HAL: variants seen among roughly 807,000 people sequenced by gnomAD.
HAL encodes the protein histidine ammonia-lyase.
HAL carries 85 observed loss-of-function variants against 81.1 expected under a neutral mutation model. The ratio of observed to expected loss-of-function variants is 1.05; its 90% CI spans 0.88 to 1.25. The LOEUF (loss-of-function observed/expected upper bound fraction) is 1.25. HAL is among the 50% of genes most tolerant of loss of function. The probability of loss-of-function intolerance (pLI) is 0.00; values close to 1 mark genes in which losing one functional copy is unlikely to be tolerated. For synonymous variants in HAL, 301 were observed against 309.2 expected (o/e 0.97, Z 0.28); for missense variants, 798 against 836.6 (o/e 0.95, Z 0.57).
At chr12:95,988,508 A>G (rs1164977929) in intron 10 of HAL, among the ~76,000 whole-genome samples, 2 of 152,180 alleles carry the variant, frequency 1.3e-5, no homozygotes, top group Non-Finnish European at 2.9e-5. Flanking sequence ...TTTGGTTTCT[A>G]CGTCCTTCGT....
chr12:95,980,971 G>A, intron 15 of HAL, 108 bp from the exon 16 acceptor site: 1 of 784,010 alleles, frequency 1.3e-6, no homozygotes, highest in Non-Finnish European at 2.3e-6. Context: ...GTACAAATGT[G>A]GGGTGGAGGG....
intron 2 of HAL, 25 bp from the exon 3 acceptor site, chr12:95,995,018 T>A: frequency 6.4e-7 from 1 of 1,553,208 alleles, no homozygotes; most frequent in Non-Finnish European, 8.9e-7. Context: ...GGGAGACTCG[T>A]TACAGATCAC....
Position 95,992,696 on chromosome 12 carries a change from G to T in HAL, c.699C>A (p.Val233=). The T allele has an allele frequency of 1.2e-6, 2 of 1,612,490 alleles. No individual in the cohort carries two copies. Among genetic ancestry groups the T allele is most frequent in the South Asian group, 2.2e-5 (2 of 90,988 alleles). The change falls in exon 9 of 21, where the codon GTC becomes GTA. Residue 233 remains valine, a synonymous_variant. Transcript: ENST00000261208. ...TTGCATTACCATTAAACATTTCTAT[G>T]ACTTGTTTGAGGGTCTCCAGGGAAA... is the stretch of plus-strand genomic sequence containing the variant. The part of the protein sequence containing the change: ...SGISLETLKQ[V]IEMFNASCLP...
In HAL at chr12:95,993,463, A is replaced by G. The variant is rs756603230; in HGVS notation, c.577T>C (p.Ser193Pro). The G allele has an allele frequency of 6.2e-7, 1 of 1,604,146 alleles. No individual in the cohort carries two copies. The highest frequency in any genetic ancestry group is 8.5e-7 in the Non-Finnish European group (1 of 1,170,848). Residue 193 changes from serine to proline, a missense_variant, in exon 8 of 21, where the codon TCA becomes CCA. By Grantham distance (74) the Ser-to-Pro change is moderately conservative (BLOSUM62 -1). Transcript: ENST00000261208. The part of the protein sequence containing the change: ...LQELQVNLVR[S>P]HSSGVGKPLS... Reference sequence around the variant, plus strand: ...CGTTTTGACTTACCTGAAGAATGTGAGCGTACTAAGTTGACCTGAAGCTCC... The same window carrying G: ...CGTTTTGACTTACCTGAAGAATGTGGGCGTACTAAGTTGACCTGAAGCTCC...
intron 14 of HAL, among the ~76,000 whole-genome samples, chr12:95,984,318 T>A (rs1949850197): frequency 6.6e-6 from 1 of 152,194 alleles, no homozygotes; most frequent in Non-Finnish European, 1.5e-5. Context: ...CTTGGGCAAG[T>A]TCCTTAGGTT....
At chr12:95,991,333 A>G (rs1949967939) in intron 9 of HAL, among the ~76,000 whole-genome samples, 4 of 152,202 alleles carry the variant, frequency 2.6e-5, no homozygotes, top group Admixed American at 2.6e-4. Flanking sequence ...AAATTAAAGG[A>G]CATTCATTTG....
intron 15 of HAL, among the ~76,000 whole-genome samples, chr12:95,981,741 T>C (rs2080797395): frequency 6.6e-6 from 1 of 152,232 alleles, no homozygotes; most frequent in Admixed American, 6.5e-5. Flanking sequence ...ATTACAGGTG[T>C]GAGCCACCAA....
chr12:95,979,979 T>C (rs1019891113), intron 17 of HAL, among the ~76,000 whole-genome samples: 1 of 152,256 alleles, frequency 6.6e-6, no homozygotes, highest in Non-Finnish European at 1.5e-5. Context: ...TGCCAGGCAC[T>C]GTTCTGATGT....
At chr12:95,988,722 T>C (rs1949928218) in intron 10 of HAL, among the ~76,000 whole-genome samples, 2 of 152,160 alleles carry the variant, frequency 1.3e-5, no homozygotes, top group African/African-American at 4.8e-5. Context: ...AGCAGGGTTT[T>C]TGTGGCACAT....
intron 18 of HAL, among the ~76,000 whole-genome samples, chr12:95,977,385 T>TAA (rs34975193): frequency 3.1e-4 from 45 of 147,396 alleles, no homozygotes; most frequent in Middle Eastern, 3.5e-3. Flanking sequence ...AAAGTCTCAT[T>TAA]AAAAAAAAAA....
chr12:95,985,895 T>C lies in HAL; in HGVS notation c.1206+13A>G. Reference sequence around the variant, plus strand: ...GCATTTTTTATTGACCTTTTTTTTTTTCTTTATTTTACCTGTGGACAGCAG... The same window carrying C: ...GCATTTTTTATTGACCTTTTTTTTTCTCTTTATTTTACCTGTGGACAGCAG... On this transcript the variant is annotated intron_variant, in intron 14 of 20. Coordinates refer to ENST00000261208, the MANE Select transcript of HAL (RefSeq NM_002108.4). The C allele has an allele frequency of 1.3e-6, 2 of 1,585,086 alleles. No individual in the cohort carries two copies. The highest frequency in any genetic ancestry group is 1.7e-6 in the Non-Finnish European group (2 of 1,155,846).
At chr12:95,979,611 G>T (rs1255186822) in intron 17 of HAL, among the ~76,000 whole-genome samples, 3 of 152,082 alleles carry the variant, frequency 2.0e-5, no homozygotes, top group Non-Finnish European at 2.9e-5. Context: ...AGTAAAGGAT[G>T]CCCAGTTAAA....
chr12:95,987,342 T>C, intron 11 of HAL, 128 bp from the exon 12 acceptor site: 1 of 812,128 alleles, frequency 1.2e-6, no homozygotes, highest in South Asian at 1.4e-5. Context: ...ATTATGTTTA[T>C]GTTTTCTAAA....
intron 11 of HAL, 55 bp downstream of exon 11, chr12:95,988,138 A>G: frequency 1.2e-6 from 1 of 859,492 alleles, no homozygotes; most frequent in East Asian, 2.4e-5. Flanking sequence ...AACTGAAAAT[A>G]CTGCATAAAT....
intron 10 of HAL, among the ~76,000 whole-genome samples, chr12:95,989,314 G>T (rs1949940169): frequency 6.6e-6 from 1 of 152,236 alleles, no homozygotes; most frequent in South Asian, 2.1e-4. Flanking sequence ...GAGTAGCTGG[G>T]ACTACAGGCA....
At chr12:95,980,465 C>A in intron 17 of HAL, 91 bp downstream of exon 17, 1 of 1,219,600 alleles carries the variant, frequency 8.2e-7, no homozygotes, top group Non-Finnish European at 1.2e-6. Flanking sequence ...AGTTAGATCT[C>A]ACTCACAGAC....
chr12:95,990,591 T>A (rs1949957011), intron 9 of HAL, 59 bp from the exon 10 acceptor site: 1 of 1,478,678 alleles, frequency 6.8e-7, no homozygotes, highest in African/African-American at 1.4e-5. Flanking sequence ...TCTCCTTGCT[T>A]TGCCAGTGAG....
At position 95,987,057 on chromosome 12, in the gene HAL, C is replaced by T. The variant is rs1279971136; in HGVS notation, c.1051+10G>A. 3.7e-6 allele frequency: 6 copies of T among 1,610,482 alleles called. No homozygotes were observed. Among genetic ancestry groups the T allele is most frequent in the Admixed American group, 1.7e-5 (1 of 60,004 alleles). ...AATGAATAACAACCAAAAGGAAGAA[C>T]CCTGCTGACCAGTGTCAAAGGCTTT... On this transcript the variant is annotated intron_variant, in intron 12 of 20. Coordinates refer to ENST00000261208, the MANE Select transcript of HAL (RefSeq NM_002108.4).
chr12:95,980,122 T>C (rs1048513529), intron 17 of HAL, among the ~76,000 whole-genome samples: 4 of 152,266 alleles, frequency 2.6e-5, no homozygotes, highest in Admixed American at 6.5e-5. Flanking sequence ...GTGGTTGTTA[T>C]ATCTAGTGAA....
Sources: gnomAD v4.1 joint callset for allele counts (sites outside exome capture counted in the v4.1 genomes callset) on GRCh38, gnomAD v4.1.1 for gene constraint, MANE v1.5 for transcripts, NCBI Gene and HGNC (gene_info 2026-07-23, HGNC 2026-07-21) for gene names.